ITPRID1: variants seen among roughly 807,000 people sequenced by gnomAD.
The protein encoded by ITPRID1 is protein ITPRID1.
A neutral mutation model predicts 95.4 loss-of-function variants in ITPRID1; 96 were observed. The ratio of observed to expected loss-of-function variants is 1.01; its 90% CI spans 0.85 to 1.19. ITPRID1 has a LOEUF of 1.19. ITPRID1 is among the 50% of genes most tolerant of loss of function. The pLI, the probability that ITPRID1 is intolerant of heterozygous loss-of-function variation, is 0.00. For synonymous variants in ITPRID1, 510 were observed against 453.6 expected (o/e 1.12, Z -1.58); for missense variants, 1,339 against 1,252.9 (o/e 1.07, Z -1.04).
rs191721287 is a variant in ITPRID1 at position 31,645,721 on chromosome 7, C to T, written c.2583+1768C>T. 1.9e-4 allele frequency among the ~76,000 whole-genome samples: 29 copies of T among 152,178 alleles called. 1 individual carries two copies. The highest frequency in any genetic ancestry group is 6.3e-4 in the African/African-American group (26 of 41,526). On this transcript the variant is annotated intron_variant, in intron 12 of 14. Coordinates refer to ENST00000615280, the MANE Select transcript of ITPRID1 (RefSeq NM_001257967.3). Reference sequence around the variant, plus strand: ...ACCCCTGAACTCCCAGATGACATTTCGTGATGTTTGGAGACATTTTTAGTT... The same window carrying T: ...ACCCCTGAACTCCCAGATGACATTTTGTGATGTTTGGAGACATTTTTAGTT...
chr7:31,549,542 C>T (rs888728726), intron 2 of ITPRID1, 43 bp downstream of exon 2: 9 of 1,407,510 alleles, frequency 6.4e-6, no homozygotes, highest in Non-Finnish European at 8.7e-6. Context: ...TTCCCAAAAA[C>T]TCCATAAAGT....
chr7:31,577,714 T>C lies in ITPRID1; in HGVS notation c.599-149T>C. ...AATCATCTCCATAATAGTAATGGCA[T>C]ATACTGAGAAAAACTTGAGTTTCAA... On this transcript the variant is annotated intron_variant, in intron 8 of 14. Coordinates refer to ENST00000615280, the MANE Select transcript of ITPRID1 (RefSeq NM_001257967.3). 3 of 620,214 alleles carry C rather than the reference T, an allele frequency of 4.8e-6. No individual in the cohort carries two copies. The East Asian group carries it at 8.3e-5, about 17-fold the overall frequency. The allele number at this position is 620,214 out of a possible 1,614,324, so 38.4% of individuals were successfully genotyped here.
At chr7:31,605,978 T>G (rs1008407717) in intron 10 of ITPRID1, among the ~76,000 whole-genome samples, 3 of 152,228 alleles carry the variant, frequency 2.0e-5, no homozygotes, top group Non-Finnish European at 2.9e-5. Context: ...GTCTCACAGG[T>G]GGAACCTTGG....
chr7:31,538,522 G>A (rs1783832780), intron 1 of ITPRID1, among the ~76,000 whole-genome samples: 1 of 152,080 alleles, frequency 6.6e-6, no homozygotes, highest in African/African-American at 2.4e-5. Flanking sequence ...GTCTAATCTA[G>A]TTGTCATATC....
At chr7:31,599,632 T>C (rs992437422) in intron 10 of ITPRID1, among the ~76,000 whole-genome samples, 4 of 61,058 alleles carry the variant, frequency 6.6e-5, no homozygotes, top group African/African-American at 2.4e-4. Flanking sequence ...TTTCTTTCTT[T>C]CTTTCTTTCT....
At chr7:31,570,829 CAAAG>C (rs1040975877) in intron 6 of ITPRID1, among the ~76,000 whole-genome samples, 12 of 151,906 alleles carry the variant, frequency 7.9e-5, no homozygotes, top group African/African-American at 2.9e-4. Flanking sequence ...GGCCCTCAAA[CAAAG>C]AAGGAAAAAT....
intron 10 of ITPRID1, among the ~76,000 whole-genome samples, chr7:31,593,879 G>A (rs954282583): frequency 6.6e-6 from 1 of 152,058 alleles, no homozygotes; most frequent in Admixed American, 6.6e-5. Context: ...TTTAAAATGA[G>A]GAATAATTTA....
intron 10 of ITPRID1, among the ~76,000 whole-genome samples, chr7:31,615,989 C>T (rs562675379): frequency 2.5e-3 from 373 of 151,978 alleles, no homozygotes; most frequent in African/African-American, 8.1e-3. Flanking sequence ...CTGATCTGCC[C>T]GCCTCAGCCT....
chr7:31,570,273 G>A (rs985276272), intron 6 of ITPRID1, among the ~76,000 whole-genome samples: 9 of 152,140 alleles, frequency 5.9e-5, no homozygotes, highest in African/African-American at 1.9e-4. Flanking sequence ...CAGAACACCA[G>A]CATTAGCATT....
At chr7:31,622,605 G>T (rs910976372) in intron 10 of ITPRID1, among the ~76,000 whole-genome samples, 1 of 151,810 alleles carries the variant, frequency 6.6e-6, no homozygotes, top group East Asian at 1.9e-4. Flanking sequence ...CACATTCAAA[G>T]CACTGTGTAG....
intron 10 of ITPRID1, among the ~76,000 whole-genome samples, chr7:31,598,593 C>T (rs769152045): frequency 7.9e-5 from 12 of 151,610 alleles, no homozygotes; most frequent in Middle Eastern, 3.4e-3. Flanking sequence ...TTAGTAGGGA[C>T]GGGGTTTCAC....
chr7:31,517,105 G>A (rs755828355), intron 1 of ITPRID1, among the ~76,000 whole-genome samples: 2 of 152,170 alleles, frequency 1.3e-5, no homozygotes, highest in African/African-American at 4.8e-5. Context: ...ACCATTCCCA[G>A]AGAACAAAGC....
intron 2 of ITPRID1, among the ~76,000 whole-genome samples, chr7:31,550,516 C>T (rs1784250491): frequency 6.6e-6 from 1 of 152,158 alleles, no homozygotes; most frequent in Non-Finnish European, 1.5e-5. Context: ...CAGGATACCA[C>T]CTGATCTGTG....
chr7:31,636,706 T>A (rs1441433819), intron 10 of ITPRID1, among the ~76,000 whole-genome samples: 1 of 151,596 alleles, frequency 6.6e-6, no homozygotes, highest in Non-Finnish European at 1.5e-5. Flanking sequence ...CAGAAGCACA[T>A]AAAGGGATCT....
intron 11 of ITPRID1, 38 bp downstream of exon 11, chr7:31,642,296 T>A: frequency 2.2e-6 from 3 of 1,364,712 alleles, no homozygotes; most frequent in African/African-American, 1.4e-5. Flanking sequence ...TGCTCATCCC[T>A]AACATCCCAC....
intron 10 of ITPRID1, among the ~76,000 whole-genome samples, chr7:31,585,990 T>G (rs1461953050): frequency 9.7e-6 from 1 of 102,746 alleles, no homozygotes; most frequent in Non-Finnish European, 2.0e-5. Flanking sequence ...CCCTCCCCCC[T>G]CCCCCCATCC....
At chr7:31,621,530 A>G (rs1205048515) in intron 10 of ITPRID1, among the ~76,000 whole-genome samples, 1 of 147,612 alleles carries the variant, frequency 6.8e-6, no homozygotes, top group Non-Finnish European at 1.5e-5. Context: ...AAGGAGAAAT[A>G]AAATACTTTG....
chr7:31,600,585 C>T (rs1786351514), intron 10 of ITPRID1, among the ~76,000 whole-genome samples: 1 of 152,166 alleles, frequency 6.6e-6, no homozygotes, highest in South Asian at 2.1e-4. Flanking sequence ...GTTGCATAAC[C>T]GGGATCCTAG....
chr7:31,589,940 T>G lies in ITPRID1; in HGVS notation c.1228+6749T>G, dbSNP rs10266242. 3.5e-3 allele frequency among the ~76,000 whole-genome samples: 526 copies of G among 152,220 alleles called. 3 individuals carry two copies. Among genetic ancestry groups the G allele is most frequent in the African/African-American group, 0.011 (446 of 41,542 alleles). The stretch of plus-strand genomic sequence containing the variant: ...ACCTACAAGATTTCTACATTTTACA[T>G]GAAGTGGTACAATATAACTTTAAGT... On this transcript the variant is annotated intron_variant, in intron 10 of 14. Coordinates refer to ENST00000615280, the MANE Select transcript of ITPRID1 (RefSeq NM_001257967.3).
Sources: allele counts gnomAD v4.1 joint callset (sites outside exome capture counted in the v4.1 genomes callset), GRCh38; gene constraint gnomAD v4.1.1; transcripts MANE v1.5; gene names NCBI Gene and HGNC (gene_info 2026-07-23, HGNC 2026-07-21).